Variants in PELI2 observed in about 807,000 individuals in gnomAD.
PELI2 encodes pellino E3 ubiquitin protein ligase family member 2, also known as E3 ubiquitin-protein ligase pellino homolog 2.
Under a neutral mutation model 42.3 loss-of-function variants are expected in PELI2, and 23 were observed. The observed-to-expected ratio is 0.54, with a 90% confidence interval of 0.39 to 0.77. The LOEUF is 0.77. PELI2 is among the 30% of genes least tolerant of loss of function. The pLI is 0.00. For synonymous variants in PELI2, 245 were observed against 212.2 expected (o/e 1.15, Z -1.34); for missense variants, 463 against 553.2 (o/e 0.84, Z 1.64).
intron 1 of PELI2, among the ~76,000 whole-genome samples, chr14:56,136,549 G>A (rs1340922883): frequency 6.6e-6 from 1 of 152,108 alleles, no homozygotes; most frequent in Non-Finnish European, 1.5e-5. Flanking sequence ...TAGTTAGAGG[G>A]CTGCCTTTTG....
intron 2 of PELI2, among the ~76,000 whole-genome samples, chr14:56,264,091 C>T (rs1397939406): frequency 6.6e-6 from 1 of 152,164 alleles, no homozygotes; most frequent in Non-Finnish European, 1.5e-5. Context: ...TAGATGTATG[C>T]ACGGTGGCAA....
chr14:56,270,234 T>G (rs1045820999), intron 2 of PELI2, among the ~76,000 whole-genome samples: 3 of 152,224 alleles, frequency 2.0e-5, no homozygotes, highest in Admixed American at 1.3e-4. Flanking sequence ...ATGCTGTTGA[T>G]TCTGATGAAA....
At chr14:56,247,756 T>C (rs1409979909) in intron 2 of PELI2, among the ~76,000 whole-genome samples, 2 of 152,224 alleles carry the variant, frequency 1.3e-5, no homozygotes, top group African/African-American at 2.4e-5. Context: ...CTACTTTGGG[T>C]ATTATCTTCT....
chr14:56,297,514 G>A lies in PELI2; in HGVS notation c.*348G>A. The A allele has an allele frequency of 4.3e-6, 1 of 233,812 alleles. No homozygotes were observed. The highest frequency in any genetic ancestry group is 8.3e-6 in the Non-Finnish European group (1 of 120,308). 14.5% of individuals were successfully genotyped at this position (233,812 alleles called of 1,614,324 possible). On this transcript the variant is annotated 3_prime_UTR_variant, in exon 6 of 6. Coordinates refer to ENST00000267460, the MANE Select transcript of PELI2 (RefSeq NM_021255.3). The stretch of plus-strand genomic sequence containing the variant: ...AGACTTTAAATCATATTTTACAGAT[G>A]TAGAAGAAATTTATTCAAAAGTGTG...
rs1273998216 is a variant in PELI2 at position 56,197,221 on chromosome 14, C to G, written c.207+18757C>G. Reference sequence around the variant, plus strand: ...AATATTCATTGGTGCTCAGCACTGTCAAGGAAACAAACAGTGGAGAATACT... The same window carrying G: ...AATATTCATTGGTGCTCAGCACTGTGAAGGAAACAAACAGTGGAGAATACT... On this transcript the variant is annotated intron_variant, in intron 2 of 5. Coordinates refer to ENST00000267460, the MANE Select transcript of PELI2 (RefSeq NM_021255.3). The surrounding 1 kb of genome is among the most constrained non-coding windows in gnomAD (Gnocchi z 4.9). Among the ~76,000 whole-genome samples the G allele has an allele frequency of 6.6e-6, 1 of 152,010 alleles. No individual in the cohort carries two copies. The highest frequency in any genetic ancestry group is 1.5e-5 in the Non-Finnish European group (1 of 68,018).
At position 56,300,541 on chromosome 14, in the gene PELI2, G is replaced by A. The variant is rs1256860143; in HGVS notation, c.*3375G>A. On this transcript the variant is annotated 3_prime_UTR_variant, in exon 6 of 6. Transcript: ENST00000267460. Reference sequence around the variant, plus strand: ...CGAGAGTTTTCTGCTTAATTGAAGTGTAATATAGGTTGTAGAATTGTTACC... The same window carrying A: ...CGAGAGTTTTCTGCTTAATTGAAGTATAATATAGGTTGTAGAATTGTTACC... The A allele has an allele frequency of 6.6e-6, 1 of 151,690 alleles. No individual in the cohort carries two copies. The highest frequency in any genetic ancestry group is 1.5e-5 in the Non-Finnish European group (1 of 67,988). 9.4% of individuals were successfully genotyped at this position (151,690 alleles called of 1,614,324 possible). A position where few individuals can be genotyped will look rare whatever the true frequency, so the allele number is the denominator to read the frequency against.
At chr14:56,173,439 A>C (rs2139659341) in intron 1 of PELI2, among the ~76,000 whole-genome samples, 1 of 152,142 alleles carries the variant, frequency 6.6e-6, no homozygotes. Flanking sequence ...TTGTATTGAA[A>C]ACAACTCTAA....
intron 2 of PELI2, among the ~76,000 whole-genome samples, chr14:56,204,143 A>G (rs773673942): frequency 6.6e-6 from 1 of 152,208 alleles, no homozygotes; most frequent in Admixed American, 6.5e-5. Context: ...ACGAATATCC[A>G]TTTTTGAACA....
chr14:56,139,799 C>T (rs748211571), intron 1 of PELI2, among the ~76,000 whole-genome samples: 4 of 151,888 alleles, frequency 2.6e-5, no homozygotes, highest in Non-Finnish European at 5.9e-5. Context: ...GTAATCATGT[C>T]ACACACCACT....
At chr14:56,185,023 T>C (rs1345614910) in intron 2 of PELI2, among the ~76,000 whole-genome samples, 3 of 151,970 alleles carry the variant, frequency 2.0e-5, no homozygotes, top group Admixed American at 2.0e-4. Context: ...AGAGAACAAA[T>C]GGAATATTTT....
intron 2 of PELI2, among the ~76,000 whole-genome samples, chr14:56,185,464 G>A (rs1034996052): frequency 6.6e-6 from 1 of 152,130 alleles, no homozygotes; most frequent in Non-Finnish European, 1.5e-5. Context: ...TTTTGCTGCT[G>A]TATTTAAGCC....
chr14:56,198,130 GGAAT>G (rs1398721024), intron 2 of PELI2, among the ~76,000 whole-genome samples: 10 of 152,174 alleles, frequency 6.6e-5, no homozygotes, highest in African/African-American at 2.4e-4. Context: ...CTCTCTCAGA[GGAAT>G]AATTAATTGA....
At chr14:56,251,221 C>G (rs540120093) in intron 2 of PELI2, among the ~76,000 whole-genome samples, 1 of 152,198 alleles carries the variant, frequency 6.6e-6, no homozygotes, top group Non-Finnish European at 1.5e-5. Context: ...GGAGGGCCAT[C>G]GGCAGAGGCT....
chr14:56,175,218 A>G (rs1341269560), intron 1 of PELI2, among the ~76,000 whole-genome samples: 1 of 151,920 alleles, frequency 6.6e-6, no homozygotes, highest in Non-Finnish European at 1.5e-5. Flanking sequence ...CTGGTCTCGA[A>G]CTCCTGGGCT....
At chr14:56,248,341 T>A (rs748074732) in intron 2 of PELI2, among the ~76,000 whole-genome samples, 4 of 152,146 alleles carry the variant, frequency 2.6e-5, no homozygotes, top group Non-Finnish European at 4.4e-5. Context: ...GATCAAGGAC[T>A]CTGAAGTGAG....
At chr14:56,140,971 C>T (rs991814332) in intron 1 of PELI2, among the ~76,000 whole-genome samples, 2 of 152,070 alleles carry the variant, frequency 1.3e-5, no homozygotes, top group Non-Finnish European at 2.9e-5. Context: ...ATCCTTTTTC[C>T]CCTCGTACTC....
intron 2 of PELI2, among the ~76,000 whole-genome samples, chr14:56,198,412 C>T (rs974108712): frequency 5.9e-5 from 9 of 152,148 alleles, no homozygotes; most frequent in Admixed American, 2.6e-4. Context: ...ACCCAGAGAG[C>T]GTGGCATCAT....
At chr14:56,158,253 C>T (rs1158791486) in intron 1 of PELI2, among the ~76,000 whole-genome samples, 2 of 152,104 alleles carry the variant, frequency 1.3e-5, no homozygotes, top group Non-Finnish European at 2.9e-5. Context: ...GTCTCGAACA[C>T]CTGACCTCCG....
At chr14:56,234,713 C>T (rs551103103) in intron 2 of PELI2, among the ~76,000 whole-genome samples, 21 of 152,026 alleles carry the variant, frequency 1.4e-4, no homozygotes, top group South Asian at 1.0e-3. Context: ...AACAAAGCTG[C>T]ACATTGTGCA....
Sources: allele counts gnomAD v4.1 joint callset (sites outside exome capture counted in the v4.1 genomes callset), GRCh38; gene constraint gnomAD v4.1.1; non-coding constraint Gnocchi (gnomAD v3.1); transcripts MANE v1.5; gene names NCBI Gene and HGNC (gene_info 2026-07-23, HGNC 2026-07-21).